Variants in SHTN1 observed in about 807,000 individuals in gnomAD.
SHTN1 encodes the protein shootin-1.
SHTN1 carries 42 observed loss-of-function variants against 83.1 expected under a neutral mutation model. The observed-to-expected ratio is 0.51, with a 90% confidence interval of 0.39 to 0.65. SHTN1 has a LOEUF of 0.65. Ranked by LOEUF, SHTN1 falls within the 30% of genes least tolerant of loss-of-function variation. SHTN1 has a pLI of 0.00. For missense variants in SHTN1, 622 were observed against 737.8 expected (o/e 0.84, Z 1.82); for synonymous variants, 224 against 247.7 (o/e 0.90, Z 0.90).
At chr10:117,032,232 C>T (rs1177748698) in intron 2 of SHTN1, among the ~76,000 whole-genome samples, 2 of 152,134 alleles carry the variant, frequency 1.3e-5, no homozygotes, top group South Asian at 2.1e-4. Context: ...GAGACTGAGT[C>T]TCACTCTGTC....
intron 8 of SHTN1, among the ~76,000 whole-genome samples, chr10:116,942,806 T>C (rs1849433088): frequency 6.6e-6 from 1 of 152,218 alleles, no homozygotes; most frequent in Admixed American, 6.5e-5. Flanking sequence ...TCACATTTGC[T>C]TTCTTCACCA....
chr10:117,119,000 TA>T (rs1203960776), intron 1 of SHTN1, among the ~76,000 whole-genome samples: 1 of 152,152 alleles, frequency 6.6e-6, no homozygotes, highest in Non-Finnish European at 1.5e-5. Flanking sequence ...TATGTAACCA[TA>T]AAAAAGAATT....
chr10:117,007,554 CAA>C (rs35941784), upstream of SHTN1, among the ~76,000 whole-genome samples: 10 of 16,382 alleles, frequency 6.1e-4, no homozygotes, highest in African/African-American at 1.5e-3. Context: ...GACTCCATCT[CAA>C]AAAAAAAAAA....
At chr10:117,003,486 C>A (rs967711961) in intron 1 of SHTN1, among the ~76,000 whole-genome samples, 1 of 151,156 alleles carries the variant, frequency 6.6e-6, no homozygotes, top group Non-Finnish European at 1.5e-5. Flanking sequence ...AAATAATTTC[C>A]CCAGGGTCAC....
intron 2 of SHTN1, among the ~76,000 whole-genome samples, chr10:117,020,676 A>G (rs1043742247): frequency 2.0e-5 from 3 of 152,102 alleles, no homozygotes; most frequent in Non-Finnish European, 2.9e-5. Context: ...AAGAAAAATC[A>G]TGGACCTAAA....
In SHTN1 at chr10:116,884,207, T is replaced by C. The variant is rs949992386; in HGVS notation, c.*2137A>G. ...TAGCTATGAACATACCTTGCAGATA[T>C]AAGCACGGTTCTCCTATGTCTTCCT... On this transcript the variant is annotated 3_prime_UTR_variant, in exon 17 of 17. Transcript: ENST00000355371. 24 of 456,968 alleles carry C rather than the reference T, an allele frequency of 5.3e-5. No individual in the cohort carries two copies. The highest frequency in any genetic ancestry group is 4.9e-4 in the Admixed American group (21 of 42,586). The allele number at this position is 456,968 out of a possible 1,614,324, so 28.3% of individuals were successfully genotyped here.
Position 116,903,503 on chromosome 10 carries a change from C to A in SHTN1, c.1481-1546G>T, listed in dbSNP as rs529035172. 2.0e-5 allele frequency among the ~76,000 whole-genome samples: 3 copies of A among 151,644 alleles called. No individual in the cohort carries two copies. The East Asian group carries it at 5.8e-4, about 30-fold the overall frequency. ...TCACGCCACTGCACTCCAGCCTGGGCGACAAGAGAGACTTCATCTCAGAGA... is the reference window on the plus strand; with the variant it reads ...TCACGCCACTGCACTCCAGCCTGGGAGACAAGAGAGACTTCATCTCAGAGA... On this transcript the variant is annotated intron_variant, in intron 15 of 16. Coordinates refer to ENST00000355371, the MANE Select transcript of SHTN1 (RefSeq NM_001127211.3).
At chr10:117,107,470 A>G (rs1481907065) in intron 1 of SHTN1, among the ~76,000 whole-genome samples, 1 of 151,504 alleles carries the variant, frequency 6.6e-6, no homozygotes, top group African/African-American at 2.4e-5. Context: ...CACAACACAT[A>G]TCTACCCTCG....
At chr10:116,909,241 C>A (rs1358906489) in intron 14 of SHTN1, among the ~76,000 whole-genome samples, 6 of 152,120 alleles carry the variant, frequency 3.9e-5, no homozygotes. Context: ...CTACTTCAAA[C>A]CACTGTGGTC....
chr10:117,065,854 A>AAGG (rs1564947531), intron 1 of SHTN1, among the ~76,000 whole-genome samples: 14 of 45,278 alleles, frequency 3.1e-4, no homozygotes, highest in Admixed American at 5.4e-4. Flanking sequence ...GGAAGGAAGG[A>AAGG]AAGGAGGGAG....
intron 10 of SHTN1, among the ~76,000 whole-genome samples, chr10:116,929,282 C>T (rs1348427965): frequency 6.6e-6 from 1 of 152,166 alleles, no homozygotes; most frequent in Non-Finnish European, 1.5e-5. Flanking sequence ...CCCGTTAAGC[C>T]TTCTAGAACT....
chr10:117,034,956 T>C (rs891029817), intron 2 of SHTN1, among the ~76,000 whole-genome samples: 3 of 152,126 alleles, frequency 2.0e-5, no homozygotes, highest in African/African-American at 7.2e-5. Context: ...AATGACATTG[T>C]TCACAGAAAT....
chr10:117,086,814 G>A (rs995279779), intron 1 of SHTN1, among the ~76,000 whole-genome samples: 2 of 152,154 alleles, frequency 1.3e-5, no homozygotes, highest in African/African-American at 4.8e-5. Context: ...ATGTTCACAG[G>A]AGCATTATTT....
At chr10:117,037,213 G>A (rs1564937772) in intron 2 of SHTN1, among the ~76,000 whole-genome samples, 1 of 152,100 alleles carries the variant, frequency 6.6e-6, no homozygotes. Flanking sequence ...TGAGATGGGA[G>A]GATTGCTTGA....
At chr10:116,984,477 G>C (rs1272102625) in intron 1 of SHTN1, among the ~76,000 whole-genome samples, 1 of 152,050 alleles carries the variant, frequency 6.6e-6, no homozygotes, top group East Asian at 1.9e-4. Context: ...TAGAAAGTGA[G>C]CTCATCAATT....
intron 1 of SHTN1, among the ~76,000 whole-genome samples, chr10:117,123,930 G>A (rs1252339391): frequency 1.4e-5 from 2 of 147,060 alleles, no homozygotes; most frequent in East Asian, 2.0e-4. Context: ...AAAAATTGCT[G>A]GCCAGGCACG....
At chr10:117,054,767 T>C (rs1383353708) in intron 1 of SHTN1, among the ~76,000 whole-genome samples, 2 of 152,134 alleles carry the variant, frequency 1.3e-5, no homozygotes, top group Non-Finnish European at 2.9e-5. Context: ...GACAGAGCCT[T>C]ACTCCTTTAA....
At chr10:117,022,055 A>G (rs1486492235) in intron 2 of SHTN1, among the ~76,000 whole-genome samples, 1 of 152,166 alleles carries the variant, frequency 6.6e-6, no homozygotes, top group Admixed American at 6.6e-5. Context: ...CCACAACACT[A>G]TATCATTAAT....
At chr10:116,980,024 T>C (rs1850959211) in intron 1 of SHTN1, among the ~76,000 whole-genome samples, 1 of 151,922 alleles carries the variant, frequency 6.6e-6, no homozygotes, top group Non-Finnish European at 1.5e-5. Flanking sequence ...ATCCACTAGG[T>C]AGAGGGGAAA....
Sources: gnomAD v4.1 joint callset for allele counts (sites outside exome capture counted in the v4.1 genomes callset) on GRCh38, gnomAD v4.1.1 for gene constraint, MANE v1.5 for transcripts, NCBI Gene and HGNC (gene_info 2026-07-23, HGNC 2026-07-21) for gene names.